LRRC28: variants seen among roughly 807,000 people sequenced by gnomAD.
The protein encoded by LRRC28 is leucine rich repeat containing 28, also known as leucine-rich repeat-containing protein 28.
In LRRC28, 39 loss-of-function variants were observed where a neutral mutation model predicts 45.7. The ratio of observed to expected loss-of-function variants is 0.85; its 90% CI spans 0.66 to 1.12. The LOEUF (loss-of-function observed/expected upper bound fraction) is 1.12. Among genes scored for constraint, LRRC28 ranks in the 50% most tolerant of loss-of-function variants. The probability of loss-of-function intolerance (pLI) is 0.00; values close to 1 mark genes in which losing one functional copy is unlikely to be tolerated. For missense variants in LRRC28, 435 were observed against 438.5 expected, an observed-to-expected ratio of 0.99 and a Z score of 0.07; for synonymous variants, 206 against 178.8, an observed-to-expected ratio of 1.15 and a Z score of -1.22.
At chr15:99,341,122 G>C (rs1262233417) in intron 6 of LRRC28, among the ~76,000 whole-genome samples, 1 of 119,874 alleles carries the variant, frequency 8.3e-6, no homozygotes, top group East Asian at 2.5e-4. Context: ...ATGGAGTCTC[G>C]CTCTGTCACC....
intron 5 of LRRC28, among the ~76,000 whole-genome samples, chr15:99,332,749 T>G (rs1318147198): frequency 1.3e-5 from 2 of 152,182 alleles, no homozygotes; most frequent in Non-Finnish European, 2.9e-5. Flanking sequence ...AAAACTAATC[T>G]GTTTAATTGA....
chr15:99,307,366 T>C (rs1163813863), intron 5 of LRRC28, among the ~76,000 whole-genome samples: 1 of 152,146 alleles, frequency 6.6e-6, no homozygotes. Flanking sequence ...ATAAATGCCA[T>C]CCAAAAGTGT....
rs982580108 is a variant in LRRC28 at position 99,387,180 on chromosome 15, C to A, written c.*1078C>A. The A allele has an allele frequency of 6.8e-6, 1 of 146,604 alleles. No homozygotes were observed. Among genetic ancestry groups the A allele is most frequent in the African/African-American group, 2.5e-5 (1 of 39,678 alleles). The allele number at this position is 146,604 out of a possible 1,614,324, so 9.1% of individuals were successfully genotyped here. A position where few individuals can be genotyped will look rare whatever the true frequency, so the allele number is the denominator to read the frequency against. ...GGTTCACGCCATTCTCCTGCCTCAG[C>A]CTCCCAAGTAGCTGGGACCACAGGC... On this transcript the variant is annotated 3_prime_UTR_variant, in exon 10 of 10. Transcript: ENST00000301981.
chr15:99,295,350 A>G (rs552212782), intron 5 of LRRC28, among the ~76,000 whole-genome samples: 140 of 152,320 alleles, frequency 9.2e-4, no homozygotes, highest in African/African-American at 3.2e-3. Context: ...TTTTCTCCCA[A>G]TGACATTTTG....
At chr15:99,337,261 C>T (rs1230502884) in intron 6 of LRRC28, among the ~76,000 whole-genome samples, 1 of 152,202 alleles carries the variant, frequency 6.6e-6, no homozygotes. Flanking sequence ...GAAGCCATTC[C>T]CATAGGAAGC....
intron 6 of LRRC28, among the ~76,000 whole-genome samples, chr15:99,347,807 G>A (rs1266020431): frequency 6.6e-6 from 1 of 152,164 alleles, no homozygotes; most frequent in Non-Finnish European, 1.5e-5. Flanking sequence ...GAGAGGGATT[G>A]CTGAGTCATG....
intron 5 of LRRC28, among the ~76,000 whole-genome samples, chr15:99,293,689 T>A (rs1014741864): frequency 6.7e-6 from 1 of 149,952 alleles, no homozygotes; most frequent in African/African-American, 2.4e-5. Context: ...ATTCTTCTTT[T>A]CTTAAGAGAC....
At chr15:99,255,007 A>G (rs949090706) in intron 1 of LRRC28, among the ~76,000 whole-genome samples, 1 of 152,138 alleles carries the variant, frequency 6.6e-6, no homozygotes. Context: ...ATTTAAACTA[A>G]TGAGACTGTG....
chr15:99,304,328 C>A (rs1399114716), intron 5 of LRRC28, among the ~76,000 whole-genome samples: 2 of 152,146 alleles, frequency 1.3e-5, no homozygotes, highest in African/African-American at 4.8e-5. Flanking sequence ...AATATTTTTT[C>A]TCAGTCTGCG....
Position 99,370,504 on chromosome 15 carries a change from T to C in LRRC28, c.1031+7239T>C, listed in dbSNP as rs143441328. 2.3e-4 allele frequency among the ~76,000 whole-genome samples: 35 copies of C among 152,224 alleles called. No individual in the cohort carries two copies. In the East Asian group the frequency reaches 6.7e-3, roughly 29 times the overall value. On this transcript the variant is annotated intron_variant, in intron 9 of 9. Transcript: ENST00000301981. Reference sequence around the variant, plus strand: ...TTGGGAAGGGGGGAATGTGGAGTTATGAGGTAGTCAGGTGGAAGGAGAACT... The same window carrying C: ...TTGGGAAGGGGGGAATGTGGAGTTACGAGGTAGTCAGGTGGAAGGAGAACT...
intron 5 of LRRC28, among the ~76,000 whole-genome samples, chr15:99,294,629 C>G (rs2082216226): frequency 6.6e-6 from 1 of 152,164 alleles, no homozygotes; most frequent in Non-Finnish European, 1.5e-5. Context: ...ACTGTGTTCT[C>G]ATGTGGTAGA....
chr15:99,337,640 G>C (rs1956369121), intron 6 of LRRC28, among the ~76,000 whole-genome samples: 1 of 152,206 alleles, frequency 6.6e-6, no homozygotes, highest in African/African-American at 2.4e-5. Flanking sequence ...TTGTGAATTT[G>C]TGAATGTGGT....
At chr15:99,280,642 A>T (rs2081760743) in intron 3 of LRRC28, among the ~76,000 whole-genome samples, 1 of 151,566 alleles carries the variant, frequency 6.6e-6, no homozygotes, top group African/African-American at 2.4e-5. Flanking sequence ...AAGGGTTTTC[A>T]TTTTTTACAC....
At chr15:99,355,752 A>C (rs1427885282) in intron 7 of LRRC28, 1 of 152,074 alleles carries the variant, frequency 6.6e-6, no homozygotes, top group African/African-American at 2.4e-5. Context: ...AAAAAAAAAA[A>C]AACCAAGCCA....
At chr15:99,354,141 C>T (rs1040491309) in intron 7 of LRRC28, 9 of 152,128 alleles carry the variant, frequency 5.9e-5, no homozygotes, top group Admixed American at 5.9e-4. Flanking sequence ...GGCCTATAAT[C>T]TAAAGGCATT....
chr15:99,353,437 G>A (rs555382016), intron 7 of LRRC28, among the ~76,000 whole-genome samples: 31 of 152,312 alleles, frequency 2.0e-4, no homozygotes, highest in African/African-American at 7.5e-4. Flanking sequence ...GAAAACTTAT[G>A]CAGCTGTCTT....
intron 7 of LRRC28, among the ~76,000 whole-genome samples, chr15:99,356,840 G>C (rs899993686): frequency 1.3e-5 from 2 of 151,132 alleles, no homozygotes; most frequent in African/African-American, 4.9e-5. Context: ...CAAAAAGATT[G>C]TTAATTTCTC....
rs779371081 is a variant in LRRC28, at chr15:99,386,667, A to G, written c.*565A>G. 2 of 152,620 alleles carry G rather than the reference A, an allele frequency of 1.3e-5. No individual in the cohort carries two copies. Among genetic ancestry groups the G allele is most frequent in the Non-Finnish European group, 2.9e-5 (2 of 68,348 alleles). The allele number at this position is 152,620 out of a possible 1,614,324, so 9.5% of individuals were successfully genotyped here. ...CCCATGGAGGCTCAGTGAGGGTCCC[A>G]GAGCACACACCCTCTGGAAAGTTCC... is the stretch of plus-strand genomic sequence containing the variant. On this transcript the variant is annotated 3_prime_UTR_variant, in exon 10 of 10. Transcript: ENST00000301981.
At chr15:99,325,510 A>G (rs1415779110) in intron 5 of LRRC28, among the ~76,000 whole-genome samples, 1 of 152,170 alleles carries the variant, frequency 6.6e-6, no homozygotes, top group African/African-American at 2.4e-5. Flanking sequence ...TTGTAGGCAC[A>G]AGGGGGATTT....
Sources: allele counts gnomAD v4.1 joint callset (sites outside exome capture counted in the v4.1 genomes callset), GRCh38; gene constraint gnomAD v4.1.1; transcripts MANE v1.5; gene names NCBI Gene and HGNC (gene_info 2026-07-23, HGNC 2026-07-21).